LGMN: variants seen among roughly 807,000 people sequenced by gnomAD.
LGMN encodes legumain, also known as asparaginyl endopeptidase.
LGMN carries 36 observed loss-of-function variants against 56.8 expected under a neutral mutation model. The ratio of observed to expected loss-of-function variants is 0.63; its 90% CI spans 0.49 to 0.84. LGMN has a LOEUF of 0.84. LGMN is among the 40% of genes least tolerant of loss of function. The pLI is 0.00. For synonymous variants in LGMN, 199 were observed against 210.1 expected (o/e 0.95, Z 0.46); for missense variants, 446 against 556.1 (o/e 0.80, Z 1.99).
intron 2 of LGMN, among the ~76,000 whole-genome samples, chr14:92,719,128 ACCACCG>A (rs1265597892): frequency 4.0e-5 from 6 of 148,720 alleles, no homozygotes; most frequent in African/African-American, 1.2e-4. Context: ...CACCACCACA[ACCACCG>A]CCACCGCCAC....
intron 2 of LGMN, among the ~76,000 whole-genome samples, chr14:92,729,131 T>C (rs79603829): frequency 9.0e-5 from 13 of 144,614 alleles, no homozygotes; most frequent in African/African-American, 1.9e-4. Context: ...GCTTTTCTTT[T>C]TTTTTTTTTT....
chr14:92,713,295 G>T (rs1009312740), intron 7 of LGMN, among the ~76,000 whole-genome samples: 12 of 151,934 alleles, frequency 7.9e-5, no homozygotes, highest in Non-Finnish European at 1.5e-4. Context: ...GCCCAGGCTG[G>T]TCTTAAACTC....
At chr14:92,709,940 G>C (rs1310789326) in intron 10 of LGMN, 68 bp from the exon 11 acceptor site, 1 of 1,308,982 alleles carries the variant, frequency 7.6e-7, no homozygotes, top group Non-Finnish European at 1.1e-6. Flanking sequence ...GCCAGAGAGA[G>C]AGGGAGAGAG....
chr14:92,745,829 CT>C (rs11463191), intron 1 of LGMN, among the ~76,000 whole-genome samples: 44 of 147,612 alleles, frequency 3.0e-4, no homozygotes, highest in Non-Finnish European at 3.0e-4. Context: ...ATCTCATTTT[CT>C]TTTTTTTTTT....
rs551459143 is a variant in LGMN at position 92,742,616 on chromosome 14, C to T, written c.-30+5873G>A. On this transcript the variant is annotated intron_variant, in intron 1 of 13. Transcript: ENST00000334869. The stretch of plus-strand genomic sequence containing the variant: ...TTGCTGTTTTTAAAAAATACCCATG[C>T]GTGGCACACTGGCATATGCCTGCAG... 1.1e-4 allele frequency among the ~76,000 whole-genome samples: 16 copies of T among 152,208 alleles called. No individual in the cohort carries two copies. The South Asian group carries it at 2.5e-3, about 24-fold the overall frequency.
intron 1 of LGMN, among the ~76,000 whole-genome samples, chr14:92,733,178 C>T (rs1257427154): frequency 6.9e-6 from 1 of 145,044 alleles, no homozygotes; most frequent in Non-Finnish European, 1.5e-5. Context: ...AACAGATAAA[C>T]ATTGTCAGCC....
In LGMN at chr14:92,714,037, CAT is replaced by C. The variant is rs1194718728; in HGVS notation, c.481-154_481-153del. On this transcript the variant is annotated intron_variant, in intron 6 of 13. Coordinates refer to ENST00000334869, the MANE Select transcript of LGMN (RefSeq NM_005606.7). This position sits in a 1 kb window ranked among gnomAD's most constrained non-coding sequence, Gnocchi z 5.1. ...AGAACATAACCCCAGAATGTCGTCA[CAT>C]GTTTTATGCACGCATTTAAAAAGGG... 39 of 697,122 alleles carry C rather than the reference CAT, an allele frequency of 5.6e-5. No homozygotes were observed. Among genetic ancestry groups the C allele is most frequent in the African/African-American group, 3.9e-4 (22 of 56,012 alleles). The allele number at this position is 697,122 out of a possible 1,614,324, so 43.2% of individuals were successfully genotyped here. A position where few individuals can be genotyped will look rare whatever the true frequency, so the allele number is the denominator to read the frequency against.
intron 2 of LGMN, among the ~76,000 whole-genome samples, chr14:92,720,460 G>C (rs1373595082): frequency 6.6e-6 from 1 of 152,210 alleles, no homozygotes; most frequent in Non-Finnish European, 1.5e-5. Context: ...CTGAGGTCTG[G>C]AGTTCGAGAC....
chr14:92,719,221 A>ACCACCG (rs1890262337), intron 2 of LGMN, among the ~76,000 whole-genome samples: 4 of 78,860 alleles, frequency 5.1e-5, no homozygotes, highest in African/African-American at 2.2e-4. Context: ...CGCCACCAAC[A>ACCACCG]CCACCACCGC....
Position 92,714,017 on chromosome 14 carries a change from A to G in LGMN, c.481-132T>C. The G allele has an allele frequency of 1.3e-6, 1 of 751,314 alleles. No homozygotes were observed. The highest frequency in any genetic ancestry group is 2.6e-5 in the East Asian group (1 of 39,064). The allele number at this position is 751,314 out of a possible 1,614,324, so 46.5% of individuals were successfully genotyped here. A position where few individuals can be genotyped will look rare whatever the true frequency, so the allele number is the denominator to read the frequency against. The stretch of plus-strand genomic sequence containing the variant: ...CCTAGAAGTAATCATGGTGAAGAAC[A>G]TAACCCCAGAATGTCGTCACATGTT... On this transcript the variant is annotated intron_variant, in intron 6 of 13. Coordinates refer to ENST00000334869, the MANE Select transcript of LGMN (RefSeq NM_005606.7). The surrounding 1 kb of genome is among the most constrained non-coding windows in gnomAD (Gnocchi z 5.1).
At position 92,710,277 on chromosome 14, in the gene LGMN, T is replaced by C. The variant is rs533330739; in HGVS notation, c.820-405A>G. On this transcript the variant is annotated intron_variant, in intron 10 of 13. Transcript: ENST00000334869. ...GCTGCAAAGGATGCCAGGCAAAGAA[T>C]GTCACCTGCAAAGGATGCCGCCTAT... Among the ~76,000 whole-genome samples, 3 of 152,366 alleles carry C rather than the reference T, an allele frequency of 2.0e-5. No homozygotes were observed. The South Asian group carries it at 6.2e-4, about 32-fold the overall frequency.
At chr14:92,739,874 T>C (rs996391367) in intron 1 of LGMN, among the ~76,000 whole-genome samples, 21 of 152,176 alleles carry the variant, frequency 1.4e-4, no homozygotes, top group African/African-American at 5.1e-4. Context: ...AGGGGCGCTG[T>C]TGGGACACAT....
At chr14:92,731,749 T>C (rs1315653571) in intron 2 of LGMN, among the ~76,000 whole-genome samples, 5 of 152,260 alleles carry the variant, frequency 3.3e-5, no homozygotes, top group African/African-American at 4.8e-5. Flanking sequence ...ACAATACTGC[T>C]ATGAACAGTC....
intron 2 of LGMN, among the ~76,000 whole-genome samples, chr14:92,729,123 TTTTC>T (rs1382273233): frequency 3.0e-4 from 43 of 142,376 alleles, no homozygotes; most frequent in African/African-American, 9.3e-4. Context: ...CCTGCTCAGC[TTTTC>T]TTTTTTTTTT....
chr14:92,717,249 T>C, intron 4 of LGMN, 131 bp downstream of exon 4: 1 of 579,878 alleles, frequency 1.7e-6, no homozygotes, highest in Non-Finnish European at 3.1e-6. Context: ...GCAAAAATCC[T>C]AATACGAATG....
intron 10 of LGMN, among the ~76,000 whole-genome samples, chr14:92,710,378 C>A (rs1889698406): frequency 6.6e-6 from 1 of 152,348 alleles, no homozygotes; most frequent in South Asian, 2.1e-4. Flanking sequence ...TGGGAAGGTA[C>A]AAAGCATCTG....
chr14:92,732,475 C>A, intron 2 of LGMN, 174 bp downstream of exon 2: 1 of 678,274 alleles, frequency 1.5e-6, no homozygotes, highest in Admixed American at 2.9e-5. Flanking sequence ...ATCCTCCTGG[C>A]AACATATGAG....
intron 10 of LGMN, among the ~76,000 whole-genome samples, chr14:92,711,266 T>A (rs2140212272): frequency 6.6e-6 from 1 of 152,222 alleles, no homozygotes; most frequent in South Asian, 2.1e-4. Context: ...AGGTGCAGAG[T>A]GGCTGTGGGA....
intron 1 of LGMN, among the ~76,000 whole-genome samples, chr14:92,744,275 A>T (rs1229336829): frequency 6.6e-6 from 1 of 152,210 alleles, no homozygotes; most frequent in African/African-American, 2.4e-5. Context: ...CATACTCTTC[A>T]CGGTTATCTA....
Sources: gnomAD v4.1 joint callset for allele counts (sites outside exome capture counted in the v4.1 genomes callset) on GRCh38, gnomAD v4.1.1 for gene constraint, Gnocchi (gnomAD v3.1) non-coding constraint, MANE v1.5 for transcripts, NCBI Gene and HGNC (gene_info 2026-07-23, HGNC 2026-07-21) for gene names.